The following PTTG1 variants were observed in gnomAD, a reference collection of about 807,000 sequenced individuals.
The protein encoded by PTTG1 is PTTG1 regulator of sister chromatid separation, securin.
PTTG1 carries 8 observed loss-of-function variants against 20.0 expected under a neutral mutation model. The observed-to-expected ratio is 0.40, with a 90% CI of 0.23 to 0.72. The LOEUF (loss-of-function observed/expected upper bound fraction) is 0.72, where lower values mean the gene tolerates loss of function less well. Among genes scored for constraint, PTTG1 ranks in the 30% least tolerant of loss-of-function variants. PTTG1 has a pLI of 0.38. For missense variants in PTTG1, 197 were observed against 236.0 expected (o/e 0.83, Z 1.08); for synonymous variants, 79 against 87.2 (o/e 0.91, Z 0.52).
Position 160,427,769 on chromosome 5 carries a change from G to A in PTTG1, c.425G>A (p.Ser142Asn), listed in dbSNP as rs1765836423. ...EEHQIAHLPLSGVPLMILDEE... is the reference protein window; with the variant it reads ...EEHQIAHLPLNGVPLMILDEE... ...CACCAGATTGCGCACCTCCCCTTGAGTGGAGTGCCTCTCATGATCCTTGAC... is the reference window on the plus strand; with the variant it reads ...CACCAGATTGCGCACCTCCCCTTGAATGGAGTGCCTCTCATGATCCTTGAC... Residue 142 changes from serine (S) to asparagine (N), a missense_variant, in exon 5 of 6, where the codon AGT becomes AAT. Transcript: ENST00000352433. 4 of 1,614,180 alleles carry A rather than the reference G, an allele frequency of 2.5e-6. 1 individual carries two copies. Among genetic ancestry groups the A allele is most frequent in the Non-Finnish European group, 3.4e-6 (4 of 1,180,040 alleles).
chr5:160,422,841 T>C lies in PTTG1; in HGVS notation c.224T>C (p.Val75Ala), dbSNP rs1376310677. ...GTVNRATEKS[V>A]KTKGPLKQKQ... ...GTCAACAGAGCTACAGAAAAGTCTGTAAAGACCAAGGGACCCCTCAAACAA... is the reference window on the plus strand; with the variant it reads ...GTCAACAGAGCTACAGAAAAGTCTGCAAAGACCAAGGGACCCCTCAAACAA... The change falls in exon 3 of 6, where the codon GTA becomes GCA. Residue 75 changes from valine to alanine, a missense_variant. By Grantham distance (64) the Val-to-Ala change is moderately conservative. Coordinates refer to ENST00000352433, the MANE Select transcript of PTTG1 (RefSeq NM_004219.4). 1 of 1,614,172 alleles carries C rather than the reference T, an allele frequency of 6.2e-7. No individual in the cohort carries two copies. The highest frequency in any genetic ancestry group is 8.5e-7 in the Non-Finnish European group (1 of 1,180,028).
chr5:160,422,171 C>T, intron 1 of PTTG1, 131 bp from the exon 2 acceptor site: 1 of 656,012 alleles, frequency 1.5e-6, no homozygotes, highest in Non-Finnish European at 2.7e-6. Flanking sequence ...TGTTGGCTCA[C>T]GCCCGTGACT....
chr5:160,427,691 A>C (rs774228345), intron 4 of PTTG1, 24 bp from the exon 5 acceptor site: 1 of 1,610,206 alleles, frequency 6.2e-7, no homozygotes, highest in South Asian at 1.1e-5. Context: ...CTGCCCTGAC[A>C]AAAACGCTTT....
chr5:160,424,140 G>A (rs1450963482), intron 3 of PTTG1, 97 bp from the exon 4 acceptor site: 4 of 804,750 alleles, frequency 5.0e-6, no homozygotes, highest in Non-Finnish European at 8.0e-6. Context: ...AAGGATTATG[G>A]CTTCTTAGAA....
intron 4 of PTTG1, among the ~76,000 whole-genome samples, chr5:160,426,754 C>CT (rs60959267): frequency 0.081 from 12,364 of 152,168 alleles, 1,310 homozygotes; most frequent in African/African-American, 0.23. Flanking sequence ...TCCAAAATTC[C>CT]TTTTTTTGGC....
chr5:160,422,594 C>G (rs1218273533), intron 2 of PTTG1, 115 bp from the exon 3 acceptor site: 2 of 1,244,196 alleles, frequency 1.6e-6, no homozygotes, highest in South Asian at 2.5e-5. Flanking sequence ...AGCCATGCCA[C>G]TACCAAAAGT....
At chr5:160,426,626 T>C (rs913940280) in intron 4 of PTTG1, among the ~76,000 whole-genome samples, 1 of 152,254 alleles carries the variant, frequency 6.6e-6, no homozygotes, top group Admixed American at 6.5e-5. Flanking sequence ...CACTGAGATA[T>C]GTAGATACCC....
chr5:160,428,725 G>C lies in PTTG1; in HGVS notation c.*44G>C, dbSNP rs756300219. On this transcript the variant is annotated 3_prime_UTR_variant, in exon 6 of 6. Transcript: ENST00000352433. ...GTTTGTGTGTATTTGTATTAATAAA[G>C]CATTCTTTAACAGATTCTTCCTAGT... The C allele has an allele frequency of 1.3e-6, 2 of 1,539,982 alleles. No homozygotes were observed. The highest frequency in any genetic ancestry group is 4.5e-5 in the East Asian group (2 of 44,494).
intron 4 of PTTG1, among the ~76,000 whole-genome samples, chr5:160,426,198 C>G (rs1486126338): frequency 6.6e-6 from 1 of 152,098 alleles, no homozygotes; most frequent in Non-Finnish European, 1.5e-5. Context: ...TAAGTAATCA[C>G]ATTACATTAA....
intron 4 of PTTG1, among the ~76,000 whole-genome samples, chr5:160,427,373 G>A (rs141548808): frequency 8.5e-5 from 13 of 152,306 alleles, no homozygotes; most frequent in Admixed American, 5.2e-4. Flanking sequence ...GACATCTCAA[G>A]GATGGAGAGC....
chr5:160,424,379 A>C lies in PTTG1; in HGVS notation c.370+49A>C, dbSNP rs544761904. On this transcript the variant is annotated intron_variant, in intron 4 of 5. Coordinates refer to ENST00000352433, the MANE Select transcript of PTTG1 (RefSeq NM_004219.4). ...AAGTGCTTTTGGCCTTTAGTTTCTT[A>C]GTATTCAGCTCAGCTGTAACTTGTT... 16 of 1,308,648 alleles carry C rather than the reference A, an allele frequency of 1.2e-5. No homozygotes were observed. In the South Asian group the frequency reaches 2.0e-4, roughly 16 times the overall value. The allele number at this position is 1,308,648 out of a possible 1,614,324, so 81.1% of individuals were successfully genotyped here. A position where few individuals can be genotyped will look rare whatever the true frequency, so the allele number is the denominator to read the frequency against.
At chr5:160,422,915 ACT>A in intron 3 of PTTG1, 22 bp downstream of exon 3, 2 of 1,610,680 alleles carry the variant, frequency 1.2e-6, no homozygotes, top group South Asian at 2.2e-5. Context: ...CTATAAAGAC[ACT>A]GTTTAAACAC....
At chr5:160,428,509 C>A in intron 5 of PTTG1, 93 bp from the exon 6 acceptor site, 1 of 1,148,624 alleles carries the variant, frequency 8.7e-7, no homozygotes, top group Non-Finnish European at 1.3e-6. Flanking sequence ...AAGGGAAAAA[C>A]ATGAATTTTT....
chr5:160,423,084 A>T (rs1008748804), intron 3 of PTTG1, 191 bp downstream of exon 3: 1 of 621,296 alleles, frequency 1.6e-6, no homozygotes. Flanking sequence ...GAAATCTCAG[A>T]TGCAGCTAAT....
At chr5:160,422,956 A>G in intron 3 of PTTG1, 63 bp downstream of exon 3, 2 of 1,528,794 alleles carry the variant, frequency 1.3e-6, no homozygotes, top group Non-Finnish European at 9.0e-7. Flanking sequence ...TAAAATGACT[A>G]TTGGCATCAT....
At chr5:160,422,175 C>T (rs1333138310) in intron 1 of PTTG1, 127 bp from the exon 2 acceptor site, 9 of 669,914 alleles carry the variant, frequency 1.3e-5, no homozygotes, top group Admixed American at 7.1e-5. Flanking sequence ...GGCTCACGCC[C>T]GTGACTGTTC....
At chr5:160,427,996 G>C (rs1765842267) in intron 5 of PTTG1, 123 bp downstream of exon 5, 1 of 1,236,574 alleles carries the variant, frequency 8.1e-7, no homozygotes. Context: ...CAAATGACAA[G>C]GATTAGTTTT....
chr5:160,422,401 C>T lies in PTTG1; in HGVS notation c.89C>T (p.Pro30Leu). ...AKDGLKLGSG[P>L]SIKALDGRSQ... ...GATGGGCTGAAGCTGGGGTCTGGAC[C>T]TTGTAAGTATACAAGGCTGCAGTCG... Residue 30 changes from proline to leucine, a missense_variant and splice_region_variant, in exon 2 of 6, where the codon CCT (proline) becomes CTT (leucine). Physicochemically the swap from Pro to Leu is moderately conservative, Grantham distance 98. Transcript: ENST00000352433. 1 of 1,613,552 alleles carries T rather than the reference C, an allele frequency of 6.2e-7. No individual in the cohort carries two copies. Among genetic ancestry groups the T allele is most frequent in the Non-Finnish European group, 8.5e-7 (1 of 1,179,456 alleles).
At chr5:160,422,163 T>C (rs2073059190) in intron 1 of PTTG1, 139 bp from the exon 2 acceptor site, 1 of 636,196 alleles carries the variant, frequency 1.6e-6, no homozygotes, top group South Asian at 1.9e-5. Context: ...TAAGTACTTG[T>C]TGGCTCACGC....
Sources: gnomAD v4.1 joint callset for allele counts (sites outside exome capture counted in the v4.1 genomes callset) on GRCh38, gnomAD v4.1.1 for gene constraint, MANE v1.5 for transcripts, NCBI Gene and HGNC (gene_info 2026-07-23, HGNC 2026-07-21) for gene names.